Variants in AGAP3 observed in about 807,000 individuals in gnomAD.
The protein encoded by AGAP3 is arf-GAP with GTPase, ANK repeat and PH domain-containing protein 3.
A neutral mutation model predicts 96.9 loss-of-function variants in AGAP3; 24 were observed. The ratio of observed to expected loss-of-function variants is 0.25; its 90% CI spans 0.18 to 0.35. The LOEUF (loss-of-function observed/expected upper bound fraction) is 0.35. Among genes scored for constraint, AGAP3 ranks in the 10% least tolerant of loss-of-function variants. AGAP3 has a pLI of 1.00. For synonymous variants in AGAP3, 563 were observed against 536.1 expected (o/e 1.05, Z -0.69); for missense variants, 876 against 1,254.2 (o/e 0.70, Z 4.55).
intron 1 of AGAP3, chr7:151,089,803 A>T (rs1585029283): frequency 1.3e-5 from 1 of 78,750 alleles, no homozygotes; most frequent in Non-Finnish European, 2.8e-5. Flanking sequence ...GAAGAAGTAC[A>T]GCCTTCAGCT....
intron 8 of AGAP3, among the ~76,000 whole-genome samples, chr7:151,121,678 A>T (rs1391275060): frequency 6.6e-6 from 1 of 152,032 alleles, no homozygotes; most frequent in East Asian, 1.9e-4. Context: ...CTGGCTGCTC[A>T]CGGCACGGCC....
Position 151,143,489 on chromosome 7 carries a change from G to A in AGAP3, c.2422G>A (p.Gly808Ser), listed in dbSNP as rs1248050822. ...GCTGTTGGTGATGCTCCTGGCACAT[G>A]GCTCCAAAGAGGAGGTGAATGAGAC... Reference protein sequence around the residue: ...LRLLVMLLAHGSKEEVNETYG... With the variant: ...LRLLVMLLAHSSKEEVNETYG... Residue 808 changes from glycine to serine, a missense_variant, in exon 17 of 18, where the codon GGC becomes AGC. Around this residue, in one of 8 missense-constraint regions of AGAP3, gnomAD observed 213 missense variants for 253.8 expected, o/e 0.84. Coordinates refer to ENST00000397238, the MANE Select transcript of AGAP3 (RefSeq NM_031946.7). The surrounding 1 kb of genome is among the most constrained non-coding windows in gnomAD (Gnocchi z 5.9). 5.0e-6 allele frequency: 8 copies of A among 1,614,128 alleles called. No individual in the cohort carries two copies. The highest frequency in any genetic ancestry group is 1.3e-5 in the African/African-American group (1 of 74,938).
chr7:151,100,515 TAATTAGCACCCTTATAAAAACAA>T, intron 1 of AGAP3, among the ~76,000 whole-genome samples: 1 of 152,136 alleles, frequency 6.6e-6, no homozygotes, highest in Admixed American at 6.5e-5. Context: ...GGCTATCGAG[TAATTAGCACCCTTATAAAAACAA>T]AATTAAGGCC....
chr7:151,139,910 C>G lies in AGAP3; in HGVS notation c.1667-69C>G, dbSNP rs1800753134. ...GGCAGGACTGGTCCTCTCCTCCTCC[C>G]AGTGCCCTGCGCCCCTCCCCTCCTC... On this transcript the variant is annotated intron_variant, in intron 12 of 17. Transcript: ENST00000397238. This position sits in a 1 kb window ranked among gnomAD's most constrained non-coding sequence, Gnocchi z 4.9. The G allele has an allele frequency of 7.2e-7, 1 of 1,383,502 alleles. No individual in the cohort carries two copies. Among genetic ancestry groups the G allele is most frequent in the South Asian group, 1.6e-5 (1 of 60,924 alleles). 85.7% of individuals were successfully genotyped at this position (1,383,502 alleles called of 1,614,324 possible).
chr7:151,104,096 G>A lies in AGAP3; in HGVS notation c.332-12697G>A, dbSNP rs376286045. On this transcript the variant is annotated intron_variant, in intron 1 of 17. Transcript: ENST00000397238. ...GTCTGTAGGGGTGATCATTCCACAC[G>A]CTCGAAATAAACTGCCCCGCACAAC... 5.9e-5 allele frequency among the ~76,000 whole-genome samples: 9 copies of A among 152,210 alleles called. No homozygotes were observed. In the East Asian group the frequency reaches 1.2e-3, roughly 20 times the overall value.
chr7:151,142,926 A>T lies in AGAP3; in HGVS notation c.2273+292A>T, dbSNP rs895228362. On this transcript the variant is annotated intron_variant, in intron 16 of 17. Transcript: ENST00000397238. The surrounding 1 kb of genome is among the most constrained non-coding windows in gnomAD (Gnocchi z 7.5). ...AGAGCGCCCACTCCGGAGCTCTGAG[A>T]TGGGGAGAATGGGTGAGAGATAGGG... Among the ~76,000 whole-genome samples, 3 of 152,144 alleles carry T rather than the reference A, an allele frequency of 2.0e-5. No individual in the cohort carries two copies. Among genetic ancestry groups the T allele is most frequent in the Non-Finnish European group, 4.4e-5 (3 of 68,022 alleles).
intron 1 of AGAP3, 67 bp downstream of exon 1, chr7:151,087,139 A>G (rs911487142): frequency 6.0e-6 from 9 of 1,497,004 alleles, no homozygotes; most frequent in African/African-American, 1.4e-5. Flanking sequence ...CGAGGGCTCC[A>G]CAGGCCGTGC....
intron 1 of AGAP3, among the ~76,000 whole-genome samples, chr7:151,100,165 T>C (rs4236428): frequency 0.82 from 125,293 of 152,212 alleles, 52,161 homozygotes; most frequent in East Asian, 0.98. Flanking sequence ...TGGGGTGTCC[T>C]GAGCCCAACT....
intron 1 of AGAP3, among the ~76,000 whole-genome samples, chr7:151,109,482 G>A (rs866101754): frequency 4.6e-5 from 7 of 152,166 alleles, no homozygotes; most frequent in Non-Finnish European, 8.8e-5. Flanking sequence ...TGTCGATGCC[G>A]TCTTCTCCCT....
Position 151,142,133 on chromosome 7 carries a change from CCTTGT to C in AGAP3, c.1960-22_1960-18del. On this transcript the variant is annotated intron_variant, in intron 14 of 17. Transcript: ENST00000397238. The surrounding 1 kb of genome is among the most constrained non-coding windows in gnomAD (Gnocchi z 7.5). ...GGGGCCTCATGACTGACCAACCGCC[CCTTGT>C]CTTGTCTCTCCTGCTGTGCGACAGA... The C allele has an allele frequency of 6.2e-7, 1 of 1,612,218 alleles. No individual in the cohort carries two copies.
intron 9 of AGAP3, 138 bp from the exon 10 acceptor site, chr7:151,128,442 C>G (rs1800269212): frequency 4.5e-6 from 3 of 673,718 alleles, no homozygotes; most frequent in Non-Finnish European, 7.8e-6. Flanking sequence ...ACCGATAGGT[C>G]CTTAAAGGCT....
rs911290452 is a variant in AGAP3 at position 151,120,862 on chromosome 7, C to T, written c.1128+717C>T. 10 of 1,149,050 alleles carry T rather than the reference C, an allele frequency of 8.7e-6. No homozygotes were observed. The Admixed American group carries it at 1.6e-4, about 19-fold the overall frequency. 71.2% of individuals were successfully genotyped at this position (1,149,050 alleles called of 1,614,324 possible). A position where few individuals can be genotyped will look rare whatever the true frequency, so the allele number is the denominator to read the frequency against. ...GGCCTCTGGCTCTCAGGCCCCAGGG[C>T]CTGCTGTCTCTCCACTCCCAATGTG... On this transcript the variant is annotated intron_variant, in intron 8 of 17. Transcript: ENST00000397238.
intron 11 of AGAP3, 69 bp from the exon 12 acceptor site, chr7:151,138,074 T>G: frequency 8.3e-7 from 1 of 1,210,290 alleles, no homozygotes; most frequent in South Asian, 1.4e-5. Context: ...GCTCTATTTT[T>G]AGGATAGTAT....
At chr7:151,113,962 C>A (rs1238870728) in intron 1 of AGAP3, among the ~76,000 whole-genome samples, 1 of 152,176 alleles carries the variant, frequency 6.6e-6, no homozygotes, top group African/African-American at 2.4e-5. Flanking sequence ...GGAGGTGAGA[C>A]CCAGTGAGCA....
In AGAP3 at chr7:151,108,956, C is replaced by T. The variant is rs912609864; in HGVS notation, c.332-7837C>T. ...ACCTGTGTGTTCTTCCCAGTATGCA[C>T]TAGCTTTTCTGGAGAGCTCATAGCT... On this transcript the variant is annotated intron_variant, in intron 1 of 17. Transcript: ENST00000397238. This position sits in a 1 kb window ranked among gnomAD's most constrained non-coding sequence, Gnocchi z 4.2. Among the ~76,000 whole-genome samples the T allele has an allele frequency of 6.6e-6, 1 of 152,180 alleles. No homozygotes were observed. The highest frequency in any genetic ancestry group is 1.5e-5 in the Non-Finnish European group (1 of 68,018).
rs1248898728 is a variant in AGAP3, at chr7:151,128,623, GGAA to G, written c.1273_1275del (p.Lys425del). The G allele has an allele frequency of 2.5e-6, 4 of 1,613,742 alleles. No individual in the cohort carries two copies. Among genetic ancestry groups the G allele is most frequent in the African/African-American group, 1.3e-5 (1 of 74,876 alleles). On this transcript the variant is annotated inframe_deletion, in exon 10 of 18. Coordinates refer to ENST00000397238, the MANE Select transcript of AGAP3 (RefSeq NM_031946.7). ...AGCGGCAAGTCCCTGAACAAGGAGT[GGAA>G]GAAGAAGTATGTGACGCTCTGTGAC...
intron 8 of AGAP3, chr7:151,123,271 C>T: frequency 9.5e-7 from 1 of 1,051,852 alleles, no homozygotes; most frequent in Non-Finnish European, 1.1e-6. Flanking sequence ...TTCGGGTGGA[C>T]TCTGCCCCAG....
intron 10 of AGAP3, among the ~76,000 whole-genome samples, chr7:151,129,491 A>G (rs1433651009): frequency 6.6e-6 from 1 of 152,062 alleles, no homozygotes; most frequent in Non-Finnish European, 1.5e-5. Flanking sequence ...GAAAACTCGC[A>G]GAGAAGGCCT....
chr7:151,111,010 G>A (rs975447838), intron 1 of AGAP3, among the ~76,000 whole-genome samples: 8 of 152,162 alleles, frequency 5.3e-5, no homozygotes, highest in Non-Finnish European at 1.0e-4. Context: ...CCACTGGGGA[G>A]GCATCCTGAG....
Sources: allele counts gnomAD v4.1 joint callset (sites outside exome capture counted in the v4.1 genomes callset), GRCh38; gene constraint gnomAD v4.1.1; regional missense constraint gnomAD v4.1.1; non-coding constraint Gnocchi (gnomAD v3.1); transcripts MANE v1.5; gene names NCBI Gene and HGNC (gene_info 2026-07-23, HGNC 2026-07-21).